The following SLF1 variants were observed in gnomAD, a reference collection of about 807,000 sequenced individuals.
The protein encoded by SLF1 is SMC5-SMC6 complex localization factor protein 1.
In SLF1, 105 loss-of-function variants were observed where a neutral mutation model predicts 123.0. The observed-to-expected ratio is 0.85, with a 90% confidence interval of 0.73 to 1.00. The LOEUF (loss-of-function observed/expected upper bound fraction) is 1.00. Ranked by LOEUF, SLF1 falls within the 50% of genes least tolerant of loss-of-function variation. SLF1 has a pLI of 0.00. For synonymous variants in SLF1, 434 were observed against 406.6 expected (o/e 1.07, Z -0.81); for missense variants, 1,239 against 1,223.0 (o/e 1.01, Z -0.20).
chr5:94,687,876 A>G (rs1248249774), intron 16 of SLF1, among the ~76,000 whole-genome samples: 2 of 152,068 alleles, frequency 1.3e-5, no homozygotes, highest in African/African-American at 2.4e-5. Context: ...AATGGTATTT[A>G]AAAAGCAAAA....
At chr5:94,625,440 A>G (rs866195045) in intron 1 of SLF1, among the ~76,000 whole-genome samples, 5 of 151,544 alleles carry the variant, frequency 3.3e-5, no homozygotes, top group Middle Eastern at 3.4e-3. Flanking sequence ...CTGGAGTGCA[A>G]TGGTGTGGTC....
chr5:94,627,822 G>A (rs1241004453), intron 1 of SLF1, among the ~76,000 whole-genome samples: 5 of 150,636 alleles, frequency 3.3e-5, no homozygotes, highest in Non-Finnish European at 7.4e-5. Context: ...AGCTCTTAGC[G>A]AACAACAGTA....
chr5:94,671,361 AAATATT>A (rs993615965), intron 14 of SLF1, among the ~76,000 whole-genome samples: 76 of 151,750 alleles, frequency 5.0e-4, no homozygotes, highest in African/African-American at 1.7e-3. Flanking sequence ...TACTACTAAT[AAATATT>A]AATATTTATT....
At chr5:94,682,521 A>G (rs1044042960) in intron 15 of SLF1, among the ~76,000 whole-genome samples, 5 of 152,220 alleles carry the variant, frequency 3.3e-5, no homozygotes, top group Non-Finnish European at 5.9e-5. Context: ...GGATGTTCTA[A>G]TATTTCCTAG....
intron 11 of SLF1, among the ~76,000 whole-genome samples, chr5:94,665,453 A>G (rs74822641): frequency 0.016 from 2,472 of 151,836 alleles, 69 homozygotes; most frequent in African/African-American, 0.055. Context: ...TTGGCAAGAA[A>G]CTTAGGCCAG....
chr5:94,653,203 T>G, intron 7 of SLF1, 69 bp from the exon 8 acceptor site: 3 of 1,359,956 alleles, frequency 2.2e-6, no homozygotes, highest in Non-Finnish European at 3.0e-6. Flanking sequence ...AAGTCACTCT[T>G]GAGTTTATTT....
chr5:94,670,060 C>A, intron 12 of SLF1, 91 bp from the exon 13 acceptor site: 1 of 1,218,814 alleles, frequency 8.2e-7, no homozygotes. Context: ...TATTAAAATT[C>A]CAGCAGTATT....
intron 4 of SLF1, among the ~76,000 whole-genome samples, chr5:94,634,239 T>C (rs1269801185): frequency 1.3e-5 from 2 of 152,168 alleles, no homozygotes; most frequent in Non-Finnish European, 2.9e-5. Flanking sequence ...GGCCCTGATT[T>C]TGTAATTTTT....
At chr5:94,688,463 G>A (rs761461009) in intron 16 of SLF1, 43 bp from the exon 17 acceptor site, 1 of 1,580,562 alleles carries the variant, frequency 6.3e-7, no homozygotes, top group African/African-American at 1.4e-5. Context: ...CTTTACTGCT[G>A]TTTTTGTAGT....
At chr5:94,622,747 T>A (rs931697191) in intron 1 of SLF1, among the ~76,000 whole-genome samples, 3 of 152,146 alleles carry the variant, frequency 2.0e-5, no homozygotes, top group African/African-American at 7.2e-5. Context: ...AAAGTTTTTT[T>A]ATTAAGTCTT....
At chr5:94,650,185 A>G (rs1258379899) in intron 6 of SLF1, among the ~76,000 whole-genome samples, 1 of 152,180 alleles carries the variant, frequency 6.6e-6, no homozygotes, top group Admixed American at 6.5e-5. Context: ...AGTTATGTTC[A>G]CTTTCATATT....
intron 1 of SLF1, among the ~76,000 whole-genome samples, chr5:94,622,180 T>G (rs1300321174): frequency 3.0e-4 from 45 of 152,264 alleles, no homozygotes; most frequent in Non-Finnish European, 4.4e-5. Flanking sequence ...CTTTTCAGTT[T>G]TAACAGTTAT....
In SLF1 at chr5:94,651,755, T is replaced by C. The variant is rs898996993; in HGVS notation, c.792T>C (p.His264=). 1.0e-5 allele frequency: 16 copies of C among 1,530,284 alleles called. No individual in the cohort carries two copies. In the African/African-American group the frequency reaches 2.2e-4, roughly 21 times the overall value. The allele number at this position is 1,530,284 out of a possible 1,614,324, so 94.8% of individuals were successfully genotyped here. A position where few individuals can be genotyped will look rare whatever the true frequency, so the allele number is the denominator to read the frequency against. ...DVNVGSILIQ[H]HKKEKFSGSS... ...ATGTTGGTTCTATTTTGATTCAACA[T>C]CACAAAAAAGAAAAATTCAGTGGTT... The change falls in exon 7 of 21, where the codon CAT becomes CAC. Residue 264 remains histidine, a synonymous_variant. Coordinates refer to ENST00000265140, the MANE Select transcript of SLF1 (RefSeq NM_032290.4).
At chr5:94,686,526 G>C (rs1752449600) in intron 15 of SLF1, 47 bp from the exon 16 acceptor site, 2 of 1,591,540 alleles carry the variant, frequency 1.3e-6, no homozygotes, top group Admixed American at 1.7e-5. Flanking sequence ...GGAAAAAATT[G>C]TATAGGATAC....
At chr5:94,678,990 A>G (rs571063885) in intron 15 of SLF1, 35 bp downstream of exon 15, 11 of 1,597,324 alleles carry the variant, frequency 6.9e-6, no homozygotes, top group East Asian at 6.7e-5. Flanking sequence ...TTTCAGACCC[A>G]TTCTGGAAAT....
chr5:94,662,400 G>C (rs1749225602), intron 10 of SLF1, 49 bp downstream of exon 10: 1 of 1,445,752 alleles, frequency 6.9e-7, no homozygotes, highest in South Asian at 1.4e-5. Flanking sequence ...AAGAAGTTTT[G>C]TGTTTTGTTA....
At chr5:94,630,895 C>T (rs1007525441) in intron 4 of SLF1, among the ~76,000 whole-genome samples, 152 bp downstream of exon 4, 3 of 152,132 alleles carry the variant, frequency 2.0e-5, no homozygotes, top group Admixed American at 6.5e-5. Context: ...CTCGTTTAGA[C>T]TTATGTGTCT....
intron 15 of SLF1, among the ~76,000 whole-genome samples, chr5:94,684,911 T>C (rs991790157): frequency 6.6e-6 from 1 of 152,240 alleles, no homozygotes; most frequent in Non-Finnish European, 1.5e-5. Flanking sequence ...TTTCTCAGCC[T>C]GTATACTGAT....
rs998171705 is a variant in SLF1, at chr5:94,696,646, A to G, written c.*1334A>G. 6.6e-6 allele frequency: 1 copy of G among 151,868 alleles called. No individual in the cohort carries two copies. Among genetic ancestry groups the G allele is most frequent in the Non-Finnish European group, 1.5e-5 (1 of 67,856 alleles). 9.4% of individuals were successfully genotyped at this position (151,868 alleles called of 1,614,324 possible). A position where few individuals can be genotyped will look rare whatever the true frequency, so the allele number is the denominator to read the frequency against. On this transcript the variant is annotated 3_prime_UTR_variant, in exon 21 of 21. Transcript: ENST00000265140. Reference sequence around the variant, plus strand: ...AATAAGAACGTTTTTTATTCCAATGAGTACCTCTTTACTTCACTTGTAAAG... The same window carrying G: ...AATAAGAACGTTTTTTATTCCAATGGGTACCTCTTTACTTCACTTGTAAAG...
Sources: gnomAD v4.1 joint callset for allele counts (sites outside exome capture counted in the v4.1 genomes callset) on GRCh38, gnomAD v4.1.1 for gene constraint, MANE v1.5 for transcripts, NCBI Gene and HGNC (gene_info 2026-07-23, HGNC 2026-07-21) for gene names.